FGF14: variants seen among roughly 807,000 people sequenced by gnomAD.
The protein encoded by FGF14 is fibroblast growth factor 14, also known as fibroblast growth factor homologous factor 4.
In FGF14, 5 loss-of-function variants were observed where a neutral mutation model predicts 25.5. The observed-to-expected ratio is 0.20, with a 90% confidence interval of 0.10 to 0.41. The LOEUF is 0.41. FGF14 is among the 10% of genes least tolerant of loss of function. The pLI is 1.00. For missense variants in FGF14, 222 were observed against 320.1 expected, an observed-to-expected ratio of 0.69 and a Z score of 2.34; for synonymous variants, 138 against 118.3, an observed-to-expected ratio of 1.17 and a Z score of -1.08.
At chr13:101,783,855 T>C (rs2039657113) in intron 3 of FGF14, among the ~76,000 whole-genome samples, 1 of 152,322 alleles carries the variant, frequency 6.6e-6, no homozygotes, top group East Asian at 1.9e-4. Flanking sequence ...AATTTTTGTA[T>C]ATGGTGCAAG....
intron 3 of FGF14, among the ~76,000 whole-genome samples, chr13:101,823,223 G>A (rs953344594): frequency 6.6e-6 from 1 of 151,896 alleles, no homozygotes; most frequent in Non-Finnish European, 1.5e-5. Context: ...TAAAAGTCTA[G>A]GAGTTGAATT....
chr13:102,353,323 T>C lies in FGF14; in HGVS notation c.208+48148A>G, dbSNP rs192204616. On this transcript the variant is annotated intron_variant, in intron 1 of 4. Coordinates refer to the FGF14 transcript ENST00000376131. Reference sequence around the variant, plus strand: ...TGTTGGTGTCATTCAAAGTTCTGTGTATCATTTCTTGTCTTCTCATCTAAA... The same window carrying C: ...TGTTGGTGTCATTCAAAGTTCTGTGCATCATTTCTTGTCTTCTCATCTAAA... Among the ~76,000 whole-genome samples, 3 of 152,284 alleles carry C rather than the reference T, an allele frequency of 2.0e-5. No individual in the cohort carries two copies. The East Asian group carries it at 5.8e-4, about 29-fold the overall frequency.
At chr13:101,823,277 T>C (rs1292214761) in intron 3 of FGF14, among the ~76,000 whole-genome samples, 1 of 140,582 alleles carries the variant, frequency 7.1e-6, no homozygotes, top group Non-Finnish European at 1.6e-5. Context: ...GGAATTGACA[T>C]TGTTTTCAAA....
intron 1 of FGF14, among the ~76,000 whole-genome samples, chr13:102,285,260 G>A (rs149137165): frequency 7.0e-4 from 106 of 152,172 alleles, no homozygotes; most frequent in African/African-American, 2.5e-3. Flanking sequence ...ATTCTGCTTC[G>A]AAGTGAAGAC....
chr13:102,276,996 T>A (rs1842299940), intron 1 of FGF14, among the ~76,000 whole-genome samples: 1 of 152,208 alleles, frequency 6.6e-6, no homozygotes. Context: ...CATGTCAACC[T>A]ACAAAGATGA....
intron 1 of FGF14, among the ~76,000 whole-genome samples, chr13:102,213,313 G>C (rs1465068424): frequency 1.3e-5 from 2 of 152,120 alleles, no homozygotes; most frequent in Non-Finnish European, 2.9e-5. Context: ...TAAATGAAAG[G>C]GTTTAGAACC....
intron 1 of FGF14, among the ~76,000 whole-genome samples, chr13:102,106,644 A>G (rs569976902): frequency 3.3e-4 from 50 of 152,130 alleles, no homozygotes; most frequent in Middle Eastern, 3.4e-3. Context: ...GAAAGAAAGA[A>G]AAGAAAAGAA....
chr13:102,152,645 G>C (rs1373014047), intron 1 of FGF14, among the ~76,000 whole-genome samples: 1 of 152,314 alleles, frequency 6.6e-6, no homozygotes, highest in African/African-American at 2.4e-5. Flanking sequence ...CAGGGAATTT[G>C]CTAGAGCTCA....
At chr13:102,094,136 T>C (rs912513014) in intron 1 of FGF14, among the ~76,000 whole-genome samples, 7 of 150,772 alleles carry the variant, frequency 4.6e-5, no homozygotes, top group Non-Finnish European at 3.0e-5. Flanking sequence ...GGCATGAACA[T>C]CTTGGACTTT....
In FGF14 at chr13:101,720,566, A is replaced by G. The variant is rs3180699; in HGVS notation, c.*2265T>C. 7,587 of 125,632 alleles carry G rather than the reference A, an allele frequency of 0.06. 201 individuals carry two copies. The highest frequency in any genetic ancestry group is 0.076 in the African/African-American group (2,182 of 28,658). 7.8% of individuals were successfully genotyped at this position (125,632 alleles called of 1,614,324 possible). On this transcript the variant is annotated 3_prime_UTR_variant, in exon 5 of 5. Coordinates refer to ENST00000376143, the MANE Select transcript of FGF14 (RefSeq NM_004115.4). Reference sequence around the variant, plus strand: ...TGTGTGTGTGTGTGTGTGTGTGTGTATATGTGTGTGTTTGTGTGAAGTGAA... The same window carrying G: ...TGTGTGTGTGTGTGTGTGTGTGTGTGTATGTGTGTGTTTGTGTGAAGTGAA...
chr13:102,210,096 T>C (rs978227118), intron 1 of FGF14, among the ~76,000 whole-genome samples: 16 of 151,750 alleles, frequency 1.1e-4, no homozygotes, highest in African/African-American at 3.6e-4. Flanking sequence ...ATTGGTTACC[T>C]AAATCTAAAA....
intron 1 of FGF14, among the ~76,000 whole-genome samples, chr13:102,003,528 G>A (rs1019105675): frequency 2.0e-5 from 3 of 152,096 alleles, no homozygotes; most frequent in Non-Finnish European, 4.4e-5. Flanking sequence ...CTAAGCTGAG[G>A]GACCATAGGC....
chr13:102,099,926 A>G (rs570769800), intron 1 of FGF14, among the ~76,000 whole-genome samples: 61 of 152,304 alleles, frequency 4.0e-4, no homozygotes, highest in African/African-American at 1.4e-3. Flanking sequence ...ATTCACAGCT[A>G]TGGATTTATT....
chr13:101,970,342 A>G (rs1367561941), intron 1 of FGF14, among the ~76,000 whole-genome samples: 1 of 152,224 alleles, frequency 6.6e-6, no homozygotes, highest in African/African-American at 2.4e-5. Context: ...TTATTTTCAT[A>G]TGGTTCCTTC....
Position 102,152,637 on chromosome 13 carries a change from G to A in FGF14, c.208+248834C>T, listed in dbSNP as rs9585860. On this transcript the variant is annotated intron_variant, in intron 1 of 4. Coordinates refer to the FGF14 transcript ENST00000376131. ...AATTCATCCCACAATACTGGTGTCA[G>A]GGAATTTGCTAGAGCTCAGATCTGG... Among the ~76,000 whole-genome samples the A allele has an allele frequency of 3.7e-3, 571 of 152,284 alleles. 6 individuals are homozygous for A. The highest frequency in any genetic ancestry group is 0.012 in the African/African-American group (501 of 41,550).
chr13:102,287,192 G>A (rs8000165), intron 1 of FGF14, among the ~76,000 whole-genome samples: 2,773 of 152,266 alleles, frequency 0.018, 85 homozygotes, highest in African/African-American at 0.061. Flanking sequence ...TAGCGATTAG[G>A]AAGAAGGCTA....
At chr13:102,276,028 T>A (rs1051386061) in intron 1 of FGF14, among the ~76,000 whole-genome samples, 6 of 152,104 alleles carry the variant, frequency 3.9e-5, no homozygotes, top group South Asian at 2.1e-4. Context: ...AAAGTGGAAT[T>A]TTACTTTTAG....
intron 3 of FGF14, among the ~76,000 whole-genome samples, chr13:101,864,844 T>C (rs117875241): frequency 3.3e-5 from 5 of 152,206 alleles, no homozygotes; most frequent in Admixed American, 1.3e-4. Context: ...AAGGAATCTC[T>C]ATGCATTTTA....
rs183843604 is a variant in FGF14 at position 102,068,858 on chromosome 13, G to A, written c.209-193562C>T. ...CAACCACCCAAGGGCTGAGGAGTGC[G>A]AGCACAGGGCGTGGGCTGGCAGGCA... On this transcript the variant is annotated intron_variant, in intron 1 of 4. Coordinates refer to the FGF14 transcript ENST00000376131. 7.9e-4 allele frequency among the ~76,000 whole-genome samples: 121 copies of A among 152,296 alleles called. 1 individual carries two copies. The highest frequency in any genetic ancestry group is 2.7e-3 in the African/African-American group (113 of 41,570).
Sources: allele counts gnomAD v4.1 joint callset (sites outside exome capture counted in the v4.1 genomes callset), GRCh38; gene constraint gnomAD v4.1.1; transcripts MANE v1.5; gene names NCBI Gene and HGNC (gene_info 2026-07-23, HGNC 2026-07-21).